PRDM16: variants seen among roughly 807,000 people sequenced by gnomAD.
PRDM16 encodes histone-lysine N-methyltransferase PRDM16.
In PRDM16, 23 loss-of-function variants were observed where a neutral mutation model predicts 110.6. The observed-to-expected ratio is 0.21, with a 90% confidence interval of 0.15 to 0.29. PRDM16 has a LOEUF of 0.29. PRDM16 is among the 10% of genes least tolerant of loss of function. PRDM16 has a pLI of 1.00. For synonymous variants in PRDM16, 799 were observed against 781.8 expected (o/e 1.02, Z -0.37); for missense variants, 1,615 against 1,794.3 (o/e 0.90, Z 1.81).
intron 1 of PRDM16, among the ~76,000 whole-genome samples, chr1:3,105,070 G>A (rs1346790828): frequency 6.6e-6 from 1 of 152,082 alleles, no homozygotes; most frequent in Non-Finnish European, 1.5e-5. Context: ...GCGGGTGGAA[G>A]GTGCTGGAAG....
intron 3 of PRDM16, among the ~76,000 whole-genome samples, chr1:3,329,140 G>A (rs984239076): frequency 6.6e-6 from 1 of 152,216 alleles, no homozygotes; most frequent in African/African-American, 2.4e-5. Context: ...CCCAGGGAAG[G>A]CACCAACCAC....
chr1:3,213,432 G>A lies in PRDM16; in HGVS notation c.387+26958G>A, dbSNP rs1301977809. ...CCATTGTCATTAATTATAAAATTGG[G>A]AGGACTGTAATTTTCCACTTAGGCT... On this transcript the variant is annotated intron_variant, in intron 2 of 16. Transcript: ENST00000270722. This position sits in a 1 kb window ranked among gnomAD's most constrained non-coding sequence, Gnocchi z 5.3. Among the ~76,000 whole-genome samples the A allele has an allele frequency of 1.3e-5, 2 of 152,166 alleles. No homozygotes were observed. Among genetic ancestry groups the A allele is most frequent in the Non-Finnish European group, 2.9e-5 (2 of 68,030 alleles).
intron 1 of PRDM16, among the ~76,000 whole-genome samples, chr1:3,152,304 T>A (rs980626351): frequency 1.1e-4 from 16 of 151,690 alleles, no homozygotes; most frequent in African/African-American, 3.6e-4. Flanking sequence ...ATCCCTCCTT[T>A]CATCCATCCA....
intron 3 of PRDM16, among the ~76,000 whole-genome samples, chr1:3,258,535 T>C (rs1001455165): frequency 8.5e-5 from 13 of 152,194 alleles, no homozygotes; most frequent in Non-Finnish European, 1.9e-4. Context: ...TTCTCCAGTA[T>C]AGTGTTGATA....
intron 1 of PRDM16, 96 bp from the exon 2 acceptor site, chr1:3,186,029 G>A (rs1167323928): frequency 1.0e-5 from 11 of 1,060,442 alleles, no homozygotes; most frequent in African/African-American, 3.1e-5. Context: ...GAGCACCCTC[G>A]GTGCCCATTG....
intron 3 of PRDM16, among the ~76,000 whole-genome samples, chr1:3,295,952 A>G (rs866730119): frequency 1.3e-5 from 2 of 151,958 alleles, no homozygotes; most frequent in African/African-American, 4.8e-5. Flanking sequence ...GCCCTCCCCA[A>G]TCAGAAGAGC....
intron 3 of PRDM16, among the ~76,000 whole-genome samples, chr1:3,249,321 G>T (rs1639871035): frequency 6.6e-6 from 1 of 152,068 alleles, no homozygotes; most frequent in Non-Finnish European, 1.5e-5. Flanking sequence ...CATGCATCGG[G>T]CTCAGCTGGT....
intron 1 of PRDM16, among the ~76,000 whole-genome samples, chr1:3,089,021 A>G (rs2981878): frequency 0.21 from 30,995 of 150,264 alleles, 3,532 homozygotes; most frequent in African/African-American, 0.31. Context: ...GACCTCAGGT[A>G]ATCCACCCAC....
chr1:3,388,017 G>A (rs1027203950), intron 4 of PRDM16, among the ~76,000 whole-genome samples: 11 of 152,262 alleles, frequency 7.2e-5, no homozygotes, highest in African/African-American at 2.7e-4. Flanking sequence ...TTGACCACGG[G>A]AACGTGGGTT....
At chr1:3,088,923 C>T (rs1412317174) in intron 1 of PRDM16, among the ~76,000 whole-genome samples, 2 of 152,118 alleles carry the variant, frequency 1.3e-5, no homozygotes, top group Admixed American at 6.6e-5. Flanking sequence ...GCTGGGGTTA[C>T]AGGCACATGC....
chr1:3,397,103 G>A (rs1056357640), intron 5 of PRDM16, among the ~76,000 whole-genome samples: 2 of 152,204 alleles, frequency 1.3e-5, no homozygotes, highest in Non-Finnish European at 2.9e-5. Flanking sequence ...TTTCATTTAA[G>A]AGAGTGGATG....
At chr1:3,322,080 G>A (rs1641769341) in intron 3 of PRDM16, among the ~76,000 whole-genome samples, 1 of 151,066 alleles carries the variant, frequency 6.6e-6, no homozygotes, top group Admixed American at 6.6e-5. Flanking sequence ...ACGTGTGTGA[G>A]GCTGCACATA....
intron 4 of PRDM16, chr1:3,394,472 G>A: frequency 4.4e-6 from 2 of 450,308 alleles, no homozygotes; most frequent in South Asian, 3.1e-5. Flanking sequence ...ACCCTCGACG[G>A]GGGTGGGGTG....
In PRDM16 at chr1:3,148,664, C is replaced by T. The variant is rs1246395621; in HGVS notation, c.38-37461C>T. On this transcript the variant is annotated intron_variant, in intron 1 of 16. Transcript: ENST00000270722. The surrounding 1 kb of genome is among the most constrained non-coding windows in gnomAD (Gnocchi z 5.0). Reference sequence around the variant, plus strand: ...CGGTGACTTGTCCTGGCCGAGCCAGCCCAGTCCTTCTGGAAGTCCAGTTTG... The same window carrying T: ...CGGTGACTTGTCCTGGCCGAGCCAGTCCAGTCCTTCTGGAAGTCCAGTTTG... Among the ~76,000 whole-genome samples, 1 of 152,164 alleles carries T rather than the reference C, an allele frequency of 6.6e-6. No individual in the cohort carries two copies. Among genetic ancestry groups the T allele is most frequent in the Non-Finnish European group, 1.5e-5 (1 of 68,046 alleles).
At chr1:3,082,705 C>G (rs997281701) in intron 1 of PRDM16, among the ~76,000 whole-genome samples, 2 of 152,236 alleles carry the variant, frequency 1.3e-5, no homozygotes, top group African/African-American at 4.8e-5. Flanking sequence ...TGGAGGCACC[C>G]TGTTGCCGCA....
At chr1:3,317,000 A>G (rs1225984805) in intron 3 of PRDM16, among the ~76,000 whole-genome samples, 2 of 152,178 alleles carry the variant, frequency 1.3e-5, no homozygotes, top group African/African-American at 4.8e-5. Flanking sequence ...GGAAGCAGTG[A>G]CATGGGGTAG....
At chr1:3,135,575 C>T (rs1643421178) in intron 1 of PRDM16, among the ~76,000 whole-genome samples, 1 of 152,196 alleles carries the variant, frequency 6.6e-6, no homozygotes, top group East Asian at 1.9e-4. Context: ...CCTCCGTGGC[C>T]CGCAGGTGAC....
chr1:3,198,598 G>T (rs1458956081), intron 2 of PRDM16, among the ~76,000 whole-genome samples: 1 of 152,156 alleles, frequency 6.6e-6, no homozygotes, highest in African/African-American at 2.4e-5. Flanking sequence ...TGGTGAGTGG[G>T]CCCCACTCTC....
intron 1 of PRDM16, among the ~76,000 whole-genome samples, chr1:3,098,640 G>A (rs539083331): frequency 1.3e-5 from 2 of 152,318 alleles, no homozygotes; most frequent in East Asian, 1.9e-4. Context: ...CTGGACCCCC[G>A]CCTTCTAAAA....
Sources: gnomAD v4.1 joint callset for allele counts (sites outside exome capture counted in the v4.1 genomes callset) on GRCh38, gnomAD v4.1.1 for gene constraint, Gnocchi (gnomAD v3.1) non-coding constraint, MANE v1.5 for transcripts, NCBI Gene and HGNC (gene_info 2026-07-23, HGNC 2026-07-21) for gene names.